Variants in ZNF423 observed in about 807,000 individuals in gnomAD.
The protein encoded by ZNF423 is Ebf-associated zinc finger protein.
In ZNF423, 12 loss-of-function variants were observed where a neutral mutation model predicts 95.8. That is an observed-to-expected ratio of 0.13 (90% CI 0.08 to 0.20). ZNF423 has a LOEUF of 0.20. Ranked by LOEUF, ZNF423 falls within the 10% of genes least tolerant of loss-of-function variation. ZNF423 has a pLI of 1.00. For synonymous variants in ZNF423, 749 were observed against 711.9 expected (o/e 1.05, Z -0.83); for missense variants, 1,316 against 1,737.1 (o/e 0.76, Z 4.31).
chr16:49,768,152 A>G (rs2033962644), intron 2 of ZNF423, among the ~76,000 whole-genome samples: 1 of 152,212 alleles, frequency 6.6e-6, no homozygotes, highest in African/African-American at 2.4e-5. Context: ...GGGCTCGCGC[A>G]CAGCTGGACT....
intron 3 of ZNF423, among the ~76,000 whole-genome samples, chr16:49,703,156 C>A (rs882353): frequency 2.6e-5 from 4 of 152,150 alleles, no homozygotes. Context: ...ACAGGTGCAC[C>A]AGGACCAGAG....
chr16:49,577,205 T>C (rs1415436550), intron 5 of ZNF423, among the ~76,000 whole-genome samples: 2 of 151,270 alleles, frequency 1.3e-5, no homozygotes, highest in African/African-American at 4.9e-5. Flanking sequence ...TGGGAAAGAG[T>C]TGTAGGAAAA....
chr16:49,738,142 C>T (rs1271587058), intron 2 of ZNF423, among the ~76,000 whole-genome samples: 2 of 152,206 alleles, frequency 1.3e-5, no homozygotes, highest in African/African-American at 2.4e-5. Flanking sequence ...TAAGTGCCTA[C>T]GGTGTGCCAG....
At chr16:49,544,276 A>G (rs1969361281) in intron 5 of ZNF423, among the ~76,000 whole-genome samples, 1 of 152,208 alleles carries the variant, frequency 6.6e-6, no homozygotes, top group African/African-American at 2.4e-5. Context: ...GAGCTACCAG[A>G]GGCCACTGGG....
intron 1 of ZNF423, among the ~76,000 whole-genome samples, chr16:49,803,933 C>CTT (rs535349308): frequency 3.7e-5 from 4 of 109,532 alleles, no homozygotes; most frequent in Non-Finnish European, 7.2e-5. Flanking sequence ...GGATGAGTTT[C>CTT]TTTTTTTTTT....
chr16:49,854,799 T>C (rs2035340789), intron 1 of ZNF423: 2 of 985,128 alleles, frequency 2.0e-6, no homozygotes, highest in African/African-American at 3.5e-5. Flanking sequence ...TCGCTGGAAA[T>C]AGAAAGCAAA....
At chr16:49,685,919 T>C (rs773547236) in intron 3 of ZNF423, among the ~76,000 whole-genome samples, 1 of 152,126 alleles carries the variant, frequency 6.6e-6, no homozygotes, top group Non-Finnish European at 1.5e-5. Context: ...CCCCCCAACA[T>C]GCCAGCGCCC....
At chr16:49,672,356 T>C (rs2030851084) in intron 3 of ZNF423, among the ~76,000 whole-genome samples, 1 of 152,346 alleles carries the variant, frequency 6.6e-6, no homozygotes, top group Admixed American at 6.5e-5. Context: ...GTACTATTGC[T>C]ACTCTTGCTT....
chr16:49,849,817 T>C (rs1009437536), intron 1 of ZNF423, among the ~76,000 whole-genome samples: 1 of 152,232 alleles, frequency 6.6e-6, no homozygotes, highest in Non-Finnish European at 1.5e-5. Flanking sequence ...CATTGTGTAA[T>C]TGACTTTGCA....
chr16:49,594,502 C>G (rs1408810866), intron 5 of ZNF423, among the ~76,000 whole-genome samples: 1 of 152,106 alleles, frequency 6.6e-6, no homozygotes, highest in Non-Finnish European at 1.5e-5. Context: ...CTGTCACACC[C>G]AACATACACA....
chr16:49,614,664 T>C (rs141367409), intron 5 of ZNF423, among the ~76,000 whole-genome samples: 13 of 152,336 alleles, frequency 8.5e-5, no homozygotes, highest in African/African-American at 2.9e-4. Context: ...CTGGATGTGA[T>C]ATTGTACTCT....
At chr16:49,639,661 A>G (rs1456256096) in intron 3 of ZNF423, among the ~76,000 whole-genome samples, 2 of 152,132 alleles carry the variant, frequency 1.3e-5, no homozygotes, top group Non-Finnish European at 2.9e-5. Context: ...AGAGATGGTG[A>G]CAGTGATTGG....
chr16:49,723,958 T>G (rs1019152801), intron 3 of ZNF423, among the ~76,000 whole-genome samples: 1 of 152,258 alleles, frequency 6.6e-6, no homozygotes, highest in Non-Finnish European at 1.5e-5. Flanking sequence ...CCCCACTCCC[T>G]GTTCCTTTTC....
At chr16:49,718,560 G>T (rs2032775106) in intron 3 of ZNF423, among the ~76,000 whole-genome samples, 1 of 152,202 alleles carries the variant, frequency 6.6e-6, no homozygotes, top group Admixed American at 6.5e-5. Flanking sequence ...ACACTTTTCA[G>T]CTCTGTCTTA....
chr16:49,713,390 C>T (rs2032604538), intron 3 of ZNF423, among the ~76,000 whole-genome samples: 1 of 152,244 alleles, frequency 6.6e-6, no homozygotes, highest in African/African-American at 2.4e-5. Flanking sequence ...CCGCCCCCAC[C>T]TTGGTCCATT....
intron 5 of ZNF423, among the ~76,000 whole-genome samples, chr16:49,550,948 G>T (rs1291781521): frequency 6.6e-6 from 1 of 152,240 alleles, no homozygotes; most frequent in Non-Finnish European, 1.5e-5. Context: ...GGGCCCCTTT[G>T]TGGCTGGGTT....
chr16:49,597,460 A>G (rs977651928), intron 5 of ZNF423, among the ~76,000 whole-genome samples: 2 of 152,276 alleles, frequency 1.3e-5, no homozygotes, highest in Admixed American at 1.3e-4. Flanking sequence ...ATATGGTACC[A>G]TCATAATATT....
At chr16:49,514,305 A>G (rs1164314124) in intron 7 of ZNF423, among the ~76,000 whole-genome samples, 1 of 151,960 alleles carries the variant, frequency 6.6e-6, no homozygotes, top group Non-Finnish European at 1.5e-5. Context: ...CAGCGTTTTC[A>G]CATTCTGAAA....
At chr16:49,671,583 C>T (rs984888756) in intron 3 of ZNF423, among the ~76,000 whole-genome samples, 2 of 152,240 alleles carry the variant, frequency 1.3e-5, no homozygotes, top group African/African-American at 2.4e-5. Context: ...GGAAGAAATC[C>T]GGCAGTGCTG....
Sources: allele counts gnomAD v4.1 joint callset (sites outside exome capture counted in the v4.1 genomes callset), GRCh38; gene constraint gnomAD v4.1.1; transcripts MANE v1.5; gene names NCBI Gene and HGNC (gene_info 2026-07-23, HGNC 2026-07-21).